RABGAP1L: variants seen among roughly 807,000 people sequenced by gnomAD.
RABGAP1L encodes RAB GTPase activating protein 1 like, also known as rab GTPase-activating protein 1-like.
Under a neutral mutation model 137.7 loss-of-function variants are expected in RABGAP1L, and 63 were observed. That is an observed-to-expected ratio of 0.46 (90% CI 0.37 to 0.56). The LOEUF (loss-of-function observed/expected upper bound fraction) is 0.56. Ranked by LOEUF, RABGAP1L falls within the 20% of genes least tolerant of loss-of-function variation. RABGAP1L has a pLI of 0.00. For missense variants in RABGAP1L, 1,095 were observed against 1,244.0 expected, an observed-to-expected ratio of 0.88 and a Z score of 1.80; for synonymous variants, 431 against 433.7, an observed-to-expected ratio of 0.99 and a Z score of 0.08.
At chr1:174,965,986 T>C (rs1669586418) in intron 20 of RABGAP1L, among the ~76,000 whole-genome samples, 1 of 152,222 alleles carries the variant, frequency 6.6e-6, no homozygotes. Context: ...GAATTTCAGC[T>C]GAACTCACAC....
At chr1:174,804,582 G>A (rs1167386978) in intron 18 of RABGAP1L, among the ~76,000 whole-genome samples, 2 of 151,926 alleles carry the variant, frequency 1.3e-5, no homozygotes, top group Admixed American at 6.6e-5. Context: ...CAAAGTGTTG[G>A]GATTACAGGT....
intron 13 of RABGAP1L, among the ~76,000 whole-genome samples, chr1:174,486,416 G>A (rs1220478018): frequency 1.3e-5 from 2 of 149,024 alleles, no homozygotes; most frequent in Non-Finnish European, 3.0e-5. Context: ...GCGTGATCTC[G>A]GCTCACTGCA....
At position 174,590,123 on chromosome 1, in the gene RABGAP1L, C is replaced by CTT. The variant is rs1166364912; in HGVS notation, c.1711-47225_1711-47224dup. On this transcript the variant is annotated intron_variant, in intron 13 of 25. Transcript: ENST00000681986. ...CCATTTTTTGTGACCTCTTCAGTTT[C>CTT]TTTTTTTTTTTTTTTTTTTTTTTTT... 5.5e-3 allele frequency among the ~76,000 whole-genome samples: 326 copies of CTT among 59,788 alleles called. 16 individuals carry two copies. The highest frequency in any genetic ancestry group is 8.1e-3 in the Non-Finnish European group (258 of 31,710). The allele number at this position is 59,788 out of a possible 152,430, so 39.2% of individuals were successfully genotyped here.
intron 23 of RABGAP1L, among the ~76,000 whole-genome samples, chr1:174,982,022 C>T (rs1671179648): frequency 6.6e-6 from 1 of 152,156 alleles, no homozygotes. Context: ...CTTAAACTCA[C>T]ATTTAACTCC....
At chr1:174,475,648 A>G (rs1247897854) in intron 13 of RABGAP1L, among the ~76,000 whole-genome samples, 2 of 151,866 alleles carry the variant, frequency 1.3e-5, no homozygotes, top group Non-Finnish European at 2.9e-5. Flanking sequence ...TGGTTCACAC[A>G]TACAATCCCA....
chr1:174,795,062 T>C (rs951032142), intron 18 of RABGAP1L, among the ~76,000 whole-genome samples: 1 of 152,188 alleles, frequency 6.6e-6, no homozygotes, highest in South Asian at 2.1e-4. Context: ...ATTGCAGCAC[T>C]GACCACCTGC....
intron 13 of RABGAP1L, among the ~76,000 whole-genome samples, chr1:174,633,167 T>G (rs934119322): frequency 1.6e-4 from 24 of 150,798 alleles, no homozygotes; most frequent in Admixed American, 1.6e-3. Flanking sequence ...CTTAAGCTGA[T>G]AAGCAACTTC....
At chr1:174,898,153 G>T (rs967349895) in intron 19 of RABGAP1L, among the ~76,000 whole-genome samples, 2 of 152,090 alleles carry the variant, frequency 1.3e-5, no homozygotes, top group African/African-American at 2.4e-5. Context: ...TTGCAGTATG[G>T]TAGCCTAGGT....
At chr1:174,786,025 C>T (rs988208583) in intron 18 of RABGAP1L, among the ~76,000 whole-genome samples, 1 of 152,070 alleles carries the variant, frequency 6.6e-6, no homozygotes, top group Non-Finnish European at 1.5e-5. Flanking sequence ...TGTGTGTATA[C>T]CATCTGGCTA....
chr1:174,718,099 A>T (rs541737922), intron 17 of RABGAP1L, among the ~76,000 whole-genome samples: 3 of 152,120 alleles, frequency 2.0e-5, no homozygotes, highest in East Asian at 1.9e-4. Flanking sequence ...CTCCTTACTT[A>T]TTCCTCCAGA....
intron 13 of RABGAP1L, among the ~76,000 whole-genome samples, chr1:174,583,698 C>T (rs1473703718): frequency 6.6e-6 from 1 of 152,122 alleles, no homozygotes; most frequent in Non-Finnish European, 1.5e-5. Context: ...TGTGATCTGG[C>T]TTCCTGGTAA....
At chr1:174,229,546 A>G (rs955243575) in intron 3 of RABGAP1L, among the ~76,000 whole-genome samples, 2 of 152,100 alleles carry the variant, frequency 1.3e-5, no homozygotes, top group Admixed American at 6.6e-5. Context: ...AAACGGGGAA[A>G]GGGCAAGCAC....
chr1:174,952,799 A>G (rs1433040677), intron 19 of RABGAP1L, among the ~76,000 whole-genome samples: 1 of 152,062 alleles, frequency 6.6e-6, no homozygotes, highest in Non-Finnish European at 1.5e-5. Flanking sequence ...CATTTTGTCC[A>G]GGCTGGTCTT....
At chr1:174,498,657 C>G (rs188041772) in intron 13 of RABGAP1L, among the ~76,000 whole-genome samples, 1 of 149,560 alleles carries the variant, frequency 6.7e-6, no homozygotes, top group Admixed American at 6.7e-5. Context: ...CCACCACGCC[C>G]GGCTAAATTT....
chr1:174,628,090 T>G (rs913454225), intron 13 of RABGAP1L, among the ~76,000 whole-genome samples: 3 of 152,206 alleles, frequency 2.0e-5, no homozygotes, highest in African/African-American at 7.2e-5. Flanking sequence ...GTGTACATCT[T>G]TCTTTATTGT....
At chr1:174,160,699 A>G (rs1383823642) in intron 1 of RABGAP1L, among the ~76,000 whole-genome samples, 1 of 152,218 alleles carries the variant, frequency 6.6e-6, no homozygotes, top group Non-Finnish European at 1.5e-5. Flanking sequence ...TAATACATTT[A>G]AATTTCCTCG....
At chr1:174,828,554 G>A (rs1434112419) in intron 19 of RABGAP1L, among the ~76,000 whole-genome samples, 1 of 148,466 alleles carries the variant, frequency 6.7e-6, no homozygotes, top group Non-Finnish European at 1.5e-5. Context: ...AGTTCTTACT[G>A]AGTGATCCTG....
At chr1:174,704,138 C>G (rs1333949423) in intron 17 of RABGAP1L, among the ~76,000 whole-genome samples, 1 of 152,114 alleles carries the variant, frequency 6.6e-6, no homozygotes, top group Non-Finnish European at 1.5e-5. Flanking sequence ...GCTGGAACTA[C>G]AGACACACAA....
chr1:174,381,290 A>T (rs1686130630), intron 12 of RABGAP1L, among the ~76,000 whole-genome samples: 1 of 146,846 alleles, frequency 6.8e-6, no homozygotes, highest in Non-Finnish European at 1.5e-5. Flanking sequence ...AGAGTTCTGT[A>T]GATGTCTATT....
Sources: allele counts gnomAD v4.1 joint callset (sites outside exome capture counted in the v4.1 genomes callset), GRCh38; gene constraint gnomAD v4.1.1; transcripts MANE v1.5; gene names NCBI Gene and HGNC (gene_info 2026-07-23, HGNC 2026-07-21).